Variants in SULF1 observed in about 807,000 individuals in gnomAD.
The protein encoded by SULF1 is extracellular sulfatase Sulf-1.
SULF1 carries 46 observed loss-of-function variants against 110.5 expected under a neutral mutation model. The observed-to-expected ratio is 0.42, with a 90% CI of 0.33 to 0.53. The LOEUF (loss-of-function observed/expected upper bound fraction) is 0.53, where lower values mean the gene tolerates loss of function less well. Ranked by LOEUF, SULF1 falls within the 20% of genes least tolerant of loss-of-function variation. SULF1 has a pLI of 0.12. For synonymous variants in SULF1, 371 were observed against 387.1 expected, an observed-to-expected ratio of 0.96 and a Z score of 0.49; for missense variants, 941 against 1,094.2, an observed-to-expected ratio of 0.86 and a Z score of 1.98.
chr8:69,523,022 A>C (rs1563494244), intron 3 of SULF1, among the ~76,000 whole-genome samples: 1 of 152,214 alleles, frequency 6.6e-6, no homozygotes, highest in Admixed American at 6.5e-5. Context: ...GTGTTTAAAT[A>C]ATGGAAGACA....
chr8:69,577,144 T>G (rs1774416826), intron 6 of SULF1, among the ~76,000 whole-genome samples: 2 of 152,190 alleles, frequency 1.3e-5, no homozygotes, highest in South Asian at 4.1e-4. Flanking sequence ...AAGTCTCGAC[T>G]CGAAGCAGCT....
chr8:69,576,504 T>A (rs1805619279), intron 6 of SULF1, among the ~76,000 whole-genome samples: 1 of 152,210 alleles, frequency 6.6e-6, no homozygotes, highest in African/African-American at 2.4e-5. Context: ...CTTGTGGTTG[T>A]TTTTAGGTCT....
At chr8:69,574,084 T>C (rs562362078) in intron 5 of SULF1, among the ~76,000 whole-genome samples, 25 of 152,170 alleles carry the variant, frequency 1.6e-4, no homozygotes, top group Non-Finnish European at 2.6e-4. Context: ...CACACCACCA[T>C]TGCAACTGCA....
intron 19 of SULF1, among the ~76,000 whole-genome samples, chr8:69,630,802 G>T (rs147172232): frequency 6.6e-6 from 1 of 152,280 alleles, no homozygotes; most frequent in East Asian, 1.9e-4. Context: ...ATGCTATGAA[G>T]GAAACAGTGA....
chr8:69,605,731 G>A (rs1463898586), intron 13 of SULF1, among the ~76,000 whole-genome samples: 1 of 152,192 alleles, frequency 6.6e-6, no homozygotes, highest in Non-Finnish European at 1.5e-5. Flanking sequence ...AATCATTGCA[G>A]CTGAGAACAA....
At chr8:69,562,414 G>A (rs914057653) in intron 3 of SULF1, among the ~76,000 whole-genome samples, 1 of 152,190 alleles carries the variant, frequency 6.6e-6, no homozygotes, top group South Asian at 2.1e-4. Flanking sequence ...TCCAATGCCA[G>A]TTTATTGTTG....
intron 3 of SULF1, among the ~76,000 whole-genome samples, chr8:69,538,894 T>G (rs1224603481): frequency 6.6e-6 from 1 of 152,140 alleles, no homozygotes; most frequent in African/African-American, 2.4e-5. Flanking sequence ...GGTTTCACCA[T>G]GTTGGCCAAG....
At chr8:69,470,054 A>C (rs1294351277) in intron 1 of SULF1, among the ~76,000 whole-genome samples, 1 of 152,114 alleles carries the variant, frequency 6.6e-6, no homozygotes, top group Non-Finnish European at 1.5e-5. Flanking sequence ...AAAACAAAAA[A>C]AACCATAAAG....
In SULF1 at chr8:69,627,849, T is replaced by C. The variant is rs914533750; in HGVS notation, c.2025T>C (p.Cys675=). 1.1e-5 allele frequency: 18 copies of C among 1,612,980 alleles called. No homozygotes were observed. The East Asian group carries it at 3.1e-4, about 28-fold the overall frequency. The change falls in exon 17 of 23, where the codon TGT becomes TGC. Residue 675 remains cysteine, a synonymous_variant. Coordinates refer to ENST00000402687, the MANE Select transcript of SULF1 (RefSeq NM_001128205.2). ...GHLKRRKPEE[C]SCSKQSYYNK... ...TGAAGAGAAGGAAGCCTGAGGAATG[T>C]AGCTGCAGTAAACAAAGGTGAGCTT...
chr8:69,505,538 T>C (rs1200475445), intron 3 of SULF1, among the ~76,000 whole-genome samples: 1 of 152,136 alleles, frequency 6.6e-6, no homozygotes, highest in Non-Finnish European at 1.5e-5. Flanking sequence ...TTAATATTAT[T>C]TTAATTATTA....
rs56381958 is a variant in SULF1 at position 69,617,373 on chromosome 8, CTATATATATATATATA to C, written c.1378-3616_1378-3601del. Reference sequence around the variant, plus strand: ...CACAGGCATGTGCCAGCATGCTTAGCTATATATATATATATATATATATATATATATATATATATAT... The same window carrying C: ...CACAGGCATGTGCCAGCATGCTTAGCTATATATATATATATATATATATAT... On this transcript the variant is annotated intron_variant, in intron 13 of 22. Coordinates refer to ENST00000402687, the MANE Select transcript of SULF1 (RefSeq NM_001128205.2). Among the ~76,000 whole-genome samples the C allele has an allele frequency of 8.1e-3, 395 of 48,892 alleles. 5 individuals carry two copies. Among genetic ancestry groups the C allele is most frequent in the Non-Finnish European group, 0.011 (278 of 25,476 alleles). The allele number at this position is 48,892 out of a possible 152,430, so 32.1% of individuals were successfully genotyped here.
intron 1 of SULF1, among the ~76,000 whole-genome samples, chr8:69,495,439 A>T (rs894086707): frequency 6.6e-6 from 1 of 152,036 alleles, no homozygotes; most frequent in Admixed American, 6.6e-5. Flanking sequence ...TTTTGAGGAG[A>T]TACATAAAGA....
chr8:69,550,314 T>TTGGTG lies in SULF1; in HGVS notation c.-133-13222_-133-13218dup, dbSNP rs543292168. Among the ~76,000 whole-genome samples the TTGGTG allele has an allele frequency of 1.6e-4, 24 of 152,048 alleles. 1 individual carries two copies. The South Asian group carries it at 5.0e-3, about 32-fold the overall frequency. On this transcript the variant is annotated intron_variant, in intron 3 of 22. Coordinates refer to ENST00000402687, the MANE Select transcript of SULF1 (RefSeq NM_001128205.2). ...ATGAGTGAAAATAGTTCCTACTTCA[T>TTGGTG]TGGTGTGTGGCTATGATAAAGTGAA... is the stretch of plus-strand genomic sequence containing the variant.
In SULF1 at chr8:69,621,049, T is replaced by G. The variant is rs147479634; in HGVS notation, c.1392T>G (p.Ile464Met). ...CEQPGQKWQC[I>M]EDTSGKLRIH... ...GGCTTTTGCAGAAGTGGCAATGCAT[T>G]GAGGATACATCTGGCAAGCTTCGAA... The change falls in exon 14 of 23, where the codon ATT becomes ATG. Residue 464 changes from isoleucine (I) to methionine (M), a missense_variant. Physicochemically the swap from Ile to Met is conservative, Grantham distance 10 (BLOSUM62 1). Coordinates refer to ENST00000402687, the MANE Select transcript of SULF1 (RefSeq NM_001128205.2). 1.4e-3 allele frequency: 2,324 copies of G among 1,609,092 alleles called. 32 individuals are homozygous for G. In the African/African-American group the frequency reaches 0.028, roughly 19 times the overall value.
At chr8:69,645,412 T>G (rs888932221) in intron 22 of SULF1, among the ~76,000 whole-genome samples, 4 of 152,108 alleles carry the variant, frequency 2.6e-5, no homozygotes, top group Non-Finnish European at 5.9e-5. Context: ...TTCCAATATA[T>G]AGGGGGAAAA....
chr8:69,608,153 A>C (rs1010073832), intron 13 of SULF1, among the ~76,000 whole-genome samples: 2 of 152,222 alleles, frequency 1.3e-5, no homozygotes, highest in Non-Finnish European at 2.9e-5. Context: ...ATTGGCCGCC[A>C]CCACTTTCTA....
Position 69,619,323 on chromosome 8 carries a change from C to T in SULF1, c.1378-1712C>T, listed in dbSNP as rs566520206. ...ATAACACTATATTTTAACTCTGTGA[C>T]AACTGTGGCCAACTTAAAATTAAAT... On this transcript the variant is annotated intron_variant, in intron 13 of 22. Coordinates refer to ENST00000402687, the MANE Select transcript of SULF1 (RefSeq NM_001128205.2). Among the ~76,000 whole-genome samples, 15 of 152,314 alleles carry T rather than the reference C, an allele frequency of 9.8e-5. No individual in the cohort carries two copies. The South Asian group carries it at 2.7e-3, about 27-fold the overall frequency.
rs542327194 is a variant in SULF1 at position 69,626,304 on chromosome 8, T to C, written c.1851-906T>C. Among the ~76,000 whole-genome samples the C allele has an allele frequency of 4.6e-5, 7 of 151,976 alleles. 1 individual carries two copies. In the South Asian group the frequency reaches 1.0e-3, roughly 23 times the overall value. On this transcript the variant is annotated intron_variant, in intron 15 of 22. Coordinates refer to ENST00000402687, the MANE Select transcript of SULF1 (RefSeq NM_001128205.2). ...AGAGCAGCTACATACAGAGTGTCAA[T>C]TGGTGCACTCACAAACCTTGAGCTA...
chr8:69,506,642 C>A (rs1434388399), intron 3 of SULF1, among the ~76,000 whole-genome samples: 3 of 152,186 alleles, frequency 2.0e-5, no homozygotes, highest in Non-Finnish European at 4.4e-5. Context: ...CTTCGGCTGC[C>A]AGTAAAATTG....
Sources: allele counts gnomAD v4.1 joint callset (sites outside exome capture counted in the v4.1 genomes callset), GRCh38; gene constraint gnomAD v4.1.1; transcripts MANE v1.5; gene names NCBI Gene and HGNC (gene_info 2026-07-23, HGNC 2026-07-21).